Variants in PBX1 observed in about 807,000 individuals in gnomAD.
PBX1 encodes the protein PBX homeobox 1.
PBX1 carries 6 observed loss-of-function variants against 53.4 expected under a neutral mutation model. The observed-to-expected ratio is 0.11, with a 90% CI of 0.06 to 0.22. The LOEUF (loss-of-function observed/expected upper bound fraction) is 0.22. Among genes scored for constraint, PBX1 ranks in the 10% least tolerant of loss-of-function variants. PBX1 has a pLI of 1.00. For missense variants in PBX1, 251 were observed against 551.4 expected, an observed-to-expected ratio of 0.46 and a Z score of 5.46; for synonymous variants, 204 against 212.3, an observed-to-expected ratio of 0.96 and a Z score of 0.34.
intron 2 of PBX1, among the ~76,000 whole-genome samples, chr1:164,879,963 G>A (rs1672606878): frequency 6.6e-6 from 1 of 152,208 alleles, no homozygotes; most frequent in African/African-American, 2.4e-5. Flanking sequence ...GCTGGGGAAT[G>A]AGGGCAGAGG....
chr1:164,877,967 A>G (rs769286172), intron 2 of PBX1, among the ~76,000 whole-genome samples: 6 of 152,184 alleles, frequency 3.9e-5, no homozygotes, highest in Admixed American at 1.3e-4. Context: ...TGAGTTTTAT[A>G]TAAGTGGAAT....
chr1:164,616,103 G>GTC (rs138509579), intron 2 of PBX1, among the ~76,000 whole-genome samples: 103 of 151,320 alleles, frequency 6.8e-4, no homozygotes, highest in African/African-American at 2.1e-3. Context: ...AGTTGGCTTA[G>GTC]TCTCTCTCTC....
chr1:164,781,765 C>A (rs929219924), intron 2 of PBX1, among the ~76,000 whole-genome samples: 1 of 152,190 alleles, frequency 6.6e-6, no homozygotes, highest in African/African-American at 2.4e-5. Flanking sequence ...AGAGAGGCCC[C>A]TCTAATGACC....
At chr1:164,620,732 G>T (rs1460718071) in intron 2 of PBX1, among the ~76,000 whole-genome samples, 2 of 151,918 alleles carry the variant, frequency 1.3e-5, no homozygotes, top group Non-Finnish European at 2.9e-5. Flanking sequence ...ACCCAGGCTG[G>T]AGTGCAGTGG....
chr1:164,616,858 C>A (rs770428276), intron 2 of PBX1, among the ~76,000 whole-genome samples: 37 of 152,094 alleles, frequency 2.4e-4, no homozygotes, highest in Non-Finnish European at 4.3e-4. Context: ...TCATAATAAT[C>A]CTTTGAGAAA....
At chr1:164,607,199 G>A (rs1426968603) in intron 2 of PBX1, among the ~76,000 whole-genome samples, 2 of 151,744 alleles carry the variant, frequency 1.3e-5, no homozygotes, top group African/African-American at 4.8e-5. Flanking sequence ...GGGATGAGAG[G>A]TAACAAGATC....
chr1:164,681,037 G>A (rs1661737161), intron 2 of PBX1, among the ~76,000 whole-genome samples: 1 of 152,148 alleles, frequency 6.6e-6, no homozygotes, highest in Non-Finnish European at 1.5e-5. Flanking sequence ...GCCATGGGAA[G>A]AGTATTGCTT....
rs116820610 is a variant in PBX1, at chr1:164,790,216, C to T, written c.266-2278C>T. 6.2e-3 allele frequency among the ~76,000 whole-genome samples: 947 copies of T among 152,116 alleles called. 9 individuals are homozygous for T. Among genetic ancestry groups the T allele is most frequent in the African/African-American group, 0.022 (897 of 41,480 alleles). ...TGGCAATTTGTTCTTCAGAGTGCTT[C>T]GGAGATTTAAGTAAATAAATTTAAG... On this transcript the variant is annotated intron_variant, in intron 2 of 8. Coordinates refer to ENST00000420696, the MANE Select transcript of PBX1 (RefSeq NM_002585.4).
At chr1:164,623,568 C>T (rs1053290472) in intron 2 of PBX1, among the ~76,000 whole-genome samples, 5 of 152,206 alleles carry the variant, frequency 3.3e-5, no homozygotes, top group Non-Finnish European at 7.3e-5. Flanking sequence ...CAAAGTCGTG[C>T]TTACTGATGC....
chr1:164,807,847 T>G (rs1248824194), intron 5 of PBX1, among the ~76,000 whole-genome samples, 170 bp downstream of exon 5: 3 of 152,224 alleles, frequency 2.0e-5, no homozygotes, highest in Non-Finnish European at 2.9e-5. Context: ...AGTGAGTTTC[T>G]AGGTAAGTAC....
chr1:164,793,785 A>G (rs1025435346), intron 3 of PBX1, among the ~76,000 whole-genome samples: 2 of 147,748 alleles, frequency 1.4e-5, no homozygotes, highest in Admixed American at 1.3e-4. Context: ...TCATTGAATC[A>G]TTAGCTTTTC....
At chr1:164,601,742 A>T (rs569543710) in intron 2 of PBX1, among the ~76,000 whole-genome samples, 5 of 152,274 alleles carry the variant, frequency 3.3e-5, no homozygotes, top group Admixed American at 2.0e-4. Flanking sequence ...TCCAGGGAAG[A>T]TGAAGTGCAT....
chr1:164,756,087 G>A lies in PBX1; in HGVS notation c.266-36407G>A, dbSNP rs191740768. On this transcript the variant is annotated intron_variant, in intron 2 of 8. Coordinates refer to ENST00000420696, the MANE Select transcript of PBX1 (RefSeq NM_002585.4). ...CTGGCATACAATTAATATCTGTGCT[G>A]GCACGTTGCCCCTTATTTTAGGGGC... Among the ~76,000 whole-genome samples, 147 of 152,178 alleles carry A rather than the reference G, an allele frequency of 9.7e-4. 2 individuals carry two copies. Among genetic ancestry groups the A allele is most frequent in the African/African-American group, 3.2e-3 (131 of 41,538 alleles).
chr1:164,786,720 T>TGCGCGCGCGCGC (rs1553246258), intron 2 of PBX1, among the ~76,000 whole-genome samples: 13 of 116,256 alleles, frequency 1.1e-4, no homozygotes, highest in South Asian at 2.6e-4. Flanking sequence ...TGTGTGTGTG[T>TGCGCGCGCGCGC]GCGCGCGCAC....
rs71097535 is a variant in PBX1, at chr1:164,569,564, A to ATTTTTTTTTTTTTTTTTT, written c.265+6262_265+6279dup. The stretch of plus-strand genomic sequence containing the variant: ...AGATTTGCTTTCTTTTTTTCCTTGC[A>ATTTTTTTTTTTTTTTTTT]TTTTTTTTTTTTTTTTTTTTTTTTT... On this transcript the variant is annotated intron_variant, in intron 2 of 8. Coordinates refer to ENST00000420696, the MANE Select transcript of PBX1 (RefSeq NM_002585.4). Among the ~76,000 whole-genome samples, 2 of 78,186 alleles carry ATTTTTTTTTTTTTTTTTT rather than the reference A, an allele frequency of 2.6e-5. 1 individual carries two copies. 51.3% of individuals were successfully genotyped at this position (78,186 alleles called of 152,430 possible).
intron 2 of PBX1, among the ~76,000 whole-genome samples, chr1:164,593,650 A>AG (rs74605091): frequency 1.3e-5 from 2 of 151,212 alleles, no homozygotes; most frequent in East Asian, 3.9e-4. Context: ...AAAATAATAA[A>AG]TAGCCAGAAT....
intron 2 of PBX1, among the ~76,000 whole-genome samples, chr1:164,673,597 A>T (rs1454099983): frequency 1.3e-5 from 2 of 150,104 alleles, no homozygotes; most frequent in Non-Finnish European, 2.9e-5. Context: ...CAGCCTCCTG[A>T]GTAGCTGGGA....
At chr1:164,826,924 G>A (rs893360546) in intron 8 of PBX1, among the ~76,000 whole-genome samples, 1 of 152,128 alleles carries the variant, frequency 6.6e-6, no homozygotes, top group Admixed American at 6.5e-5. Context: ...TATAGTAATA[G>A]AAAAATAGAG....
intron 2 of PBX1, among the ~76,000 whole-genome samples, chr1:164,884,241 A>T (rs898590352): frequency 6.6e-6 from 1 of 152,088 alleles, no homozygotes; most frequent in Non-Finnish European, 1.5e-5. Flanking sequence ...TAAACAGGTG[A>T]CTCCATTGAA....
Sources: gnomAD v4.1 joint callset for allele counts (sites outside exome capture counted in the v4.1 genomes callset) on GRCh38, gnomAD v4.1.1 for gene constraint, MANE v1.5 for transcripts, NCBI Gene and HGNC (gene_info 2026-07-23, HGNC 2026-07-21) for gene names.